Variants in RSPH14 observed in about 807,000 individuals in gnomAD.
RSPH14 encodes rhabdoid tumor deletion region gene 1.
Under a neutral mutation model 26.7 loss-of-function variants are expected in RSPH14, and 20 were observed. The ratio of observed to expected loss-of-function variants is 0.75; its 90% CI spans 0.53 to 1.09. The LOEUF is 1.09. Among genes scored for constraint, RSPH14 ranks in the 50% least tolerant of loss-of-function variants. RSPH14 has a pLI of 0.00. For missense variants in RSPH14, 449 were observed against 457.2 expected, an observed-to-expected ratio of 0.98 and a Z score of 0.16; for synonymous variants, 177 against 189.3, an observed-to-expected ratio of 0.93 and a Z score of 0.53.
the RSPH14 span, among the ~76,000 whole-genome samples, chr22:23,151,686 A>G: frequency 0.043 from 6,555 of 152,156 alleles, 475 homozygotes; most frequent in African/African-American, 0.15. Flanking sequence ...GTTTGAGACT[A>G]CTAGCCTGGG....
chr22:23,082,943 G>T (rs977237486), intron 4 of RSPH14, among the ~76,000 whole-genome samples: 7 of 152,128 alleles, frequency 4.6e-5, no homozygotes, highest in African/African-American at 1.7e-4. Flanking sequence ...ATTCAATAAG[G>T]TGTGAAGTGG....
chr22:23,108,819 C>T (rs1400130255), intron 4 of RSPH14, among the ~76,000 whole-genome samples: 1 of 152,272 alleles, frequency 6.6e-6, no homozygotes, highest in East Asian at 1.9e-4. Context: ...TTAGCATCCT[C>T]TGCCTGCTGG....
chr22:23,115,508 T>G (rs948484040), intron 4 of RSPH14, among the ~76,000 whole-genome samples: 3 of 152,070 alleles, frequency 2.0e-5, no homozygotes, highest in Non-Finnish European at 4.4e-5. Flanking sequence ...GCGTCTGGCC[T>G]CCTGGAGGGG....
At chr22:23,153,580 G>A in the RSPH14 span, 1 of 985,106 alleles carries the variant, frequency 1.0e-6, no homozygotes, top group Admixed American at 6.2e-5. Context: ...AAGGAGGGCT[G>A]AGATGGAGTA....
At chr22:23,084,930 G>A (rs1404753262) in intron 4 of RSPH14, among the ~76,000 whole-genome samples, 1 of 152,240 alleles carries the variant, frequency 6.6e-6, no homozygotes, top group East Asian at 1.9e-4. Context: ...ACGTCCAGGT[G>A]CCATTGCACA....
the RSPH14 span, chr22:23,157,944 T>G: frequency 6.2e-7 from 1 of 1,612,214 alleles, no homozygotes; most frequent in Admixed American, 1.7e-5. Context: ...GCCCCCTTGC[T>G]CGCCTCGCCT....
At chr22:23,152,486 G>T in the RSPH14 span, 3 of 1,614,088 alleles carry the variant, frequency 1.9e-6, no homozygotes, top group East Asian at 2.2e-5. Flanking sequence ...GGTGGTGGTG[G>T]TTGGCGATCT....
the RSPH14 span, chr22:23,160,965 G>A: frequency 3.7e-6 from 6 of 1,613,000 alleles, no homozygotes; most frequent in African/African-American, 6.7e-5. Flanking sequence ...GCAGAGCAGT[G>A]CCCGGCTCCA....
intron 4 of RSPH14, among the ~76,000 whole-genome samples, chr22:23,081,449 G>C (rs2068674844): frequency 6.6e-6 from 1 of 152,182 alleles, no homozygotes; most frequent in Non-Finnish European, 1.5e-5. Context: ...AGATCAGCCA[G>C]CCAGCAGTCT....
At chr22:23,161,338 G>A in the RSPH14 span, among the ~76,000 whole-genome samples, 1 of 152,168 alleles carries the variant, frequency 6.6e-6, no homozygotes, top group East Asian at 1.9e-4. Context: ...CTGTTCCAGT[G>A]CCTGGAAGGC....
chr22:23,093,722 C>G (rs1473624076), intron 4 of RSPH14, among the ~76,000 whole-genome samples: 1 of 152,148 alleles, frequency 6.6e-6, no homozygotes, highest in Non-Finnish European at 1.5e-5. Flanking sequence ...GAGAGGCAAG[C>G]AAGGCATGAA....
At chr22:23,060,917 AG>A (rs2068081489) in intron 6 of RSPH14, among the ~76,000 whole-genome samples, 1 of 152,148 alleles carries the variant, frequency 6.6e-6, no homozygotes, top group African/African-American at 2.4e-5. Context: ...GCACTCCTAC[AG>A]AAAGCCTGGA....
the RSPH14 span, among the ~76,000 whole-genome samples, chr22:23,160,670 A>T: frequency 8.5e-5 from 13 of 152,068 alleles, no homozygotes; most frequent in Non-Finnish European, 1.6e-4. Context: ...GCCAGGTGGG[A>T]GGCCAGGCCA....
chr22:23,162,787 G>A, the RSPH14 span: 1 of 455,942 alleles, frequency 2.2e-6, no homozygotes, highest in Non-Finnish European at 4.4e-6. Context: ...CTAGGGCCTG[G>A]CACACTGCAG....
chr22:23,170,769 C>T, the RSPH14 span, among the ~76,000 whole-genome samples: 78 of 151,958 alleles, frequency 5.1e-4, 1 homozygote, highest in African/African-American at 1.7e-3. Flanking sequence ...ATCCCATTCA[C>T]GAGGACTCCA....
At chr22:23,098,215 C>T (rs538047946) in intron 4 of RSPH14, among the ~76,000 whole-genome samples, 108 of 152,384 alleles carry the variant, frequency 7.1e-4, no homozygotes, top group Non-Finnish European at 1.1e-3. Context: ...TCCAGCAGTA[C>T]TGCTCTGTCC....
intron 4 of RSPH14, among the ~76,000 whole-genome samples, chr22:23,096,927 T>C (rs1055352163): frequency 6.6e-6 from 1 of 152,248 alleles, no homozygotes; most frequent in African/African-American, 2.4e-5. Context: ...GAGGGAGACC[T>C]GGACCCAGTG....
At chr22:23,069,158 C>T (rs565301484) in intron 4 of RSPH14, among the ~76,000 whole-genome samples, 23 of 152,330 alleles carry the variant, frequency 1.5e-4, no homozygotes, top group Non-Finnish European at 2.8e-4. Context: ...CTGGCAAAGC[C>T]AGGCACATGC....
At chr22:23,158,017 T>C in the RSPH14 span, 1 of 1,614,198 alleles carries the variant, frequency 6.2e-7, no homozygotes, top group East Asian at 2.2e-5. Flanking sequence ...TTGACCTCAC[T>C]GACGTGCAGA....
Sources: gnomAD v4.1 joint callset for allele counts (sites outside exome capture counted in the v4.1 genomes callset) on GRCh38, gnomAD v4.1.1 for gene constraint, MANE v1.5 for transcripts, NCBI Gene and HGNC (gene_info 2026-07-23, HGNC 2026-07-21) for gene names.